SV2C: variants seen among roughly 807,000 people sequenced by gnomAD.
The protein encoded by SV2C is solute carrier family 22 member B3.
In SV2C, 49 loss-of-function variants were observed where a neutral mutation model predicts 79.7. The observed-to-expected ratio is 0.61, with a 90% CI of 0.49 to 0.78. SV2C has a LOEUF of 0.78. Among genes scored for constraint, SV2C ranks in the 30% least tolerant of loss-of-function variants. The pLI is 0.00. For synonymous variants in SV2C, 334 were observed against 333.2 expected, an observed-to-expected ratio of 1.00 and a Z score of -0.03; for missense variants, 833 against 912.9, an observed-to-expected ratio of 0.91 and a Z score of 1.13.
intron 1 of SV2C, among the ~76,000 whole-genome samples, chr5:76,114,163 G>T (rs747892644): frequency 6.6e-6 from 1 of 152,140 alleles, no homozygotes; most frequent in African/African-American, 2.4e-5. Flanking sequence ...ACAGAGCACC[G>T]GTGGAGATGT....
chr5:76,194,025 T>A (rs556733610), intron 2 of SV2C, among the ~76,000 whole-genome samples: 1 of 152,336 alleles, frequency 6.6e-6, no homozygotes, highest in East Asian at 1.9e-4. Context: ...CTTGTCTTTG[T>A]GTTACTCATG....
chr5:76,291,450 T>C (rs1747562125), intron 7 of SV2C, 119 bp downstream of exon 7: 2 of 736,630 alleles, frequency 2.7e-6, no homozygotes, highest in Admixed American at 3.1e-5. Context: ...CCAGGACACC[T>C]GACTCCTGGA....
intron 1 of SV2C, among the ~76,000 whole-genome samples, chr5:76,122,221 G>A (rs1419020215): frequency 6.6e-6 from 1 of 151,470 alleles, no homozygotes; most frequent in East Asian, 1.9e-4. Flanking sequence ...CATTGATTTT[G>A]TATCCTGAGA....
At chr5:75,991,588 C>CATAT in the SV2C span, among the ~76,000 whole-genome samples, 458 of 137,800 alleles carry the variant, frequency 3.3e-3, 9 homozygotes, top group African/African-American at 9.8e-3. Flanking sequence ...TATATATACA[C>CATAT]ACATATATAT....
chr5:76,238,293 GGTGTGTGTGTATGTGT>G (rs1345276693), intron 4 of SV2C, among the ~76,000 whole-genome samples: 2 of 150,140 alleles, frequency 1.3e-5, no homozygotes, highest in African/African-American at 5.0e-5. Context: ...TCTAAGGAGG[GGTGTGTGTGTATGTGT>G]GTGTGTGTGT....
intron 2 of SV2C, among the ~76,000 whole-genome samples, chr5:76,169,339 G>A (rs920654173): frequency 4.6e-5 from 7 of 152,194 alleles, no homozygotes; most frequent in African/African-American, 1.7e-4. Context: ...GCTCAGATCT[G>A]TATGACTAGG....
At chr5:76,225,882 G>A (rs1745220994) in intron 4 of SV2C, among the ~76,000 whole-genome samples, 2 of 152,166 alleles carry the variant, frequency 1.3e-5, no homozygotes, top group Admixed American at 1.3e-4. Context: ...TTTGGGTTTG[G>A]CAAATGCTCA....
chr5:76,301,348 C>A (rs747557012), intron 11 of SV2C, 38 bp from the exon 12 acceptor site: 2 of 1,610,004 alleles, frequency 1.2e-6, no homozygotes, highest in Admixed American at 3.3e-5. Flanking sequence ...ACTAAGATGA[C>A]AGGAAACATT....
At chr5:75,972,402 G>T in the SV2C span, among the ~76,000 whole-genome samples, 1 of 152,010 alleles carries the variant, frequency 6.6e-6, no homozygotes, top group African/African-American at 2.4e-5. Context: ...CCTACAAAAT[G>T]GGAGAACATT....
At chr5:76,079,564 T>C, upstream of SV2C, 1 of 322,680 alleles carries the variant, frequency 3.1e-6, no homozygotes, top group South Asian at 3.3e-5. Context: ...GACTGATTTT[T>C]GACCCATGAA....
chr5:76,346,783 G>A (rs1749552132), intron 12 of SV2C, among the ~76,000 whole-genome samples: 1 of 152,190 alleles, frequency 6.6e-6, no homozygotes. Context: ...TCCTCAACCT[G>A]CATACAAGGC....
In SV2C at chr5:76,300,935, A is replaced by G. The variant is rs1747974045; in HGVS notation, c.1840+3A>G. On this transcript the variant is annotated splice_donor_region_variant and intron_variant, in intron 11 of 12. Coordinates refer to ENST00000502798, the MANE Select transcript of SV2C (RefSeq NM_014979.4). ...AATTGGGCGCTTAACAATGCTAGGT[A>G]TGTACTCAGTTTCATGTCAAATAAA... The G allele has an allele frequency of 1.9e-6, 3 of 1,613,910 alleles. No individual in the cohort carries two copies. The highest frequency in any genetic ancestry group is 2.5e-6 in the Non-Finnish European group (3 of 1,179,930).
chr5:76,152,024 G>A (rs1048030313), intron 2 of SV2C, among the ~76,000 whole-genome samples: 7 of 152,172 alleles, frequency 4.6e-5, no homozygotes, highest in African/African-American at 9.7e-5. Flanking sequence ...GGTGAGAGAA[G>A]TCCTAAAATA....
the SV2C span, chr5:75,911,966 A>G: frequency 2.3e-5 from 8 of 341,426 alleles, no homozygotes; most frequent in African/African-American, 1.3e-4. Flanking sequence ...GCCAGCAACC[A>G]TCCCTGGGTT....
chr5:76,193,493 A>G (rs1008832505), intron 2 of SV2C, among the ~76,000 whole-genome samples: 8 of 152,256 alleles, frequency 5.3e-5, no homozygotes, highest in Admixed American at 3.3e-4. Flanking sequence ...TGGTTTGCAC[A>G]TAACAGGGGC....
intron 9 of SV2C, 33 bp from the exon 10 acceptor site, chr5:76,298,761 T>C: frequency 1.2e-6 from 2 of 1,608,718 alleles, no homozygotes; most frequent in Non-Finnish European, 1.7e-6. Context: ...ACACAGTCAT[T>C]GATTGATATG....
chr5:75,852,781 A>C, the SV2C span, among the ~76,000 whole-genome samples: 2 of 148,692 alleles, frequency 1.3e-5, no homozygotes, highest in South Asian at 2.1e-4. Flanking sequence ...AGCTGCGATC[A>C]CGCAACTGCA....
At chr5:76,234,294 G>A (rs1026692033) in intron 4 of SV2C, among the ~76,000 whole-genome samples, 3 of 152,092 alleles carry the variant, frequency 2.0e-5, no homozygotes, top group Non-Finnish European at 4.4e-5. Flanking sequence ...CTGAGCAATA[G>A]GGTCACTATT....
intron 4 of SV2C, among the ~76,000 whole-genome samples, chr5:76,213,399 T>C (rs1744826838): frequency 6.6e-6 from 1 of 152,220 alleles, no homozygotes; most frequent in Non-Finnish European, 1.5e-5. Context: ...ATTTTTGAAT[T>C]GTAAAATTTG....
Sources: allele counts gnomAD v4.1 joint callset (sites outside exome capture counted in the v4.1 genomes callset), GRCh38; gene constraint gnomAD v4.1.1; transcripts MANE v1.5; gene names NCBI Gene and HGNC (gene_info 2026-07-23, HGNC 2026-07-21).